The following MROH7 variants were observed in gnomAD, a reference collection of about 807,000 sequenced individuals.
MROH7 encodes maestro heat like repeat family member 7.
A neutral mutation model predicts 129.2 loss-of-function variants in MROH7; 113 were observed. The observed-to-expected ratio is 0.87, with a 90% confidence interval of 0.75 to 1.02. MROH7 has a LOEUF of 1.02. Ranked by LOEUF, MROH7 falls within the 50% of genes least tolerant of loss-of-function variation. MROH7 has a pLI of 0.00. For missense variants in MROH7, 1,601 were observed against 1,671.3 expected (o/e 0.96, Z 0.73); for synonymous variants, 655 against 667.9 (o/e 0.98, Z 0.30).
intron 4 of MROH7, among the ~76,000 whole-genome samples, chr1:54,667,994 G>A (rs1262148101): frequency 6.6e-6 from 1 of 152,204 alleles, no homozygotes; most frequent in Non-Finnish European, 1.5e-5. Context: ...GGGCTTAGCT[G>A]GGTGTTTCTT....
intron 14 of MROH7, among the ~76,000 whole-genome samples, chr1:54,683,049 T>C (rs1420353433): frequency 1.3e-5 from 2 of 152,166 alleles, no homozygotes; most frequent in African/African-American, 4.8e-5. Flanking sequence ...GTCTAAATCC[T>C]GGTTCTGGCC....
At chr1:54,671,024 T>C (rs554314658) in intron 7 of MROH7, 95 bp downstream of exon 7, 639 of 1,387,404 alleles carry the variant, frequency 4.6e-4, no homozygotes, top group Middle Eastern at 1.2e-3. Context: ...TCTGTGGCCT[T>C]GGGCAATTCA....
intron 11 of MROH7, 93 bp from the exon 12 acceptor site, chr1:54,679,170 G>T (rs980035819): frequency 4.7e-6 from 6 of 1,271,830 alleles, no homozygotes; most frequent in Non-Finnish European, 6.9e-6. Context: ...GCATGTGGGC[G>T]TCAGGCAGTG....
rs1227694093 is a variant in MROH7, at chr1:54,703,465, C to G, written c.3564+720C>G. Among the ~76,000 whole-genome samples the G allele has an allele frequency of 3.3e-5, 5 of 152,308 alleles. No homozygotes were observed. The East Asian group carries it at 9.6e-4, about 29-fold the overall frequency. On this transcript the variant is annotated intron_variant, in intron 21 of 23. Coordinates refer to ENST00000421030, the MANE Select transcript of MROH7 (RefSeq NM_001039464.4). This position sits in a 1 kb window ranked among gnomAD's most constrained non-coding sequence, Gnocchi z 4.4. ...GGAAATACTGCACTGACATTCTCCT[C>G]TTGGAGATTTGCAATGACATCAGGA...
chr1:54,687,660 G>T (rs1645170005), intron 15 of MROH7, among the ~76,000 whole-genome samples: 1 of 152,124 alleles, frequency 6.6e-6, no homozygotes, highest in South Asian at 2.1e-4. Context: ...AAAATGGAGT[G>T]ACTCCTAAAA....
At position 54,653,776 on chromosome 1, in the gene MROH7, T is replaced by C. The variant is rs1389149027; in HGVS notation, c.850T>C (p.Ser284Pro). 6.2e-7 allele frequency: 1 copy of C among 1,614,132 alleles called. No individual in the cohort carries two copies. Among genetic ancestry groups the C allele is most frequent in the South Asian group, 1.1e-5 (1 of 91,074 alleles). ...CATGAATGTGGCTTCCAGCGGCCAC[T>C]CCAGATCTGATTTGAGCGTGACCAT... ...ETMNVASSGH[S>P]RSDLSVTITQ... The change falls in exon 3 of 24, where the codon TCC becomes CCC. Residue 284 changes from serine to proline, a missense_variant. Ser to Pro is a moderately conservative substitution (Grantham distance 74). Coordinates refer to ENST00000421030, the MANE Select transcript of MROH7 (RefSeq NM_001039464.4).
chr1:54,679,551 C>A, intron 12 of MROH7, 112 bp downstream of exon 12: 2 of 1,197,762 alleles, frequency 1.7e-6, no homozygotes, highest in Non-Finnish European at 2.3e-6. Context: ...TATACCTGAA[C>A]CCCCTAAGCC....
chr1:54,665,116 C>T, intron 3 of MROH7, 51 bp from the exon 4 acceptor site: 1 of 1,432,840 alleles, frequency 7.0e-7, no homozygotes, highest in South Asian at 1.2e-5. Flanking sequence ...TGATGGCATC[C>T]TAGGTACATC....
At position 54,710,031 on chromosome 1, in the gene MROH7, G is replaced by A. The variant is rs762197518; in HGVS notation, c.3816G>A (p.Trp1272Ter). The change falls in exon 24 of 24, where the codon TGG becomes TGA. Residue 1272 changes from tryptophan to a stop codon, truncating the protein, a stop_gained. Transcript: ENST00000421030. LOFTEE classifies it high-confidence loss of function. The stretch of plus-strand genomic sequence containing the variant: ...AGGACCACATCCTGGCCAGCTGCTG[G>A]CAGAACTCCTGGCTGCCGCACGGGA... Reference protein sequence around the residue: ...QVQDHILASCWQNSWLPHGNS... With the variant: ...QVQDHILASC The A allele has an allele frequency of 2.5e-6, 4 of 1,614,102 alleles. No homozygotes were observed. The highest frequency in any genetic ancestry group is 3.4e-6 in the Non-Finnish European group (4 of 1,180,028).
In MROH7 at chr1:54,702,467, G is replaced by A. The variant is rs966535777; in HGVS notation, c.3442-156G>A. On this transcript the variant is annotated intron_variant, in intron 20 of 23. Coordinates refer to ENST00000421030, the MANE Select transcript of MROH7 (RefSeq NM_001039464.4). ...AAAAAGAAAAAGGTCCTAAATCATG[G>A]GCAAAATAAAAATAAAATAATAGTA... is the stretch of plus-strand genomic sequence containing the variant. 3.3e-5 allele frequency among the ~76,000 whole-genome samples: 5 copies of A among 152,162 alleles called. No individual in the cohort carries two copies. The East Asian group carries it at 7.7e-4, about 23-fold the overall frequency.
chr1:54,657,401 C>T (rs1644666343), intron 3 of MROH7, among the ~76,000 whole-genome samples: 1 of 151,952 alleles, frequency 6.6e-6, no homozygotes, highest in South Asian at 2.1e-4. Context: ...TTTTTAGGGT[C>T]AGGGTCTCAC....
In MROH7 at chr1:54,653,642, C is replaced by T. The variant is rs746636147; in HGVS notation, c.716C>T (p.Thr239Ile). ...AATGTAGCTCCAGATTCTCATGGGACCCTAATCCCAGACACAAATGAGACC... is the reference window on the plus strand; with the variant it reads ...AATGTAGCTCCAGATTCTCATGGGATCCTAATCCCAGACACAAATGAGACC... ...NLNVAPDSHG[T>I]LIPDTNETIT... The change falls in exon 3 of 24, where the codon ACC becomes ATC. Residue 239 changes from threonine to isoleucine, a missense_variant. Transcript: ENST00000421030. 3 of 1,614,168 alleles carry T rather than the reference C, an allele frequency of 1.9e-6. No individual in the cohort carries two copies. Among genetic ancestry groups the T allele is most frequent in the South Asian group, 1.1e-5 (1 of 91,074 alleles).
chr1:54,675,685 T>C (rs1644969465), intron 10 of MROH7, among the ~76,000 whole-genome samples: 1 of 151,288 alleles, frequency 6.6e-6, no homozygotes, highest in African/African-American at 2.4e-5. Context: ...GCAGCCTCAA[T>C]CTTTCAGGCT....
chr1:54,651,431 CA>C (rs1289349282), intron 1 of MROH7: 6 of 152,468 alleles, frequency 3.9e-5, no homozygotes, highest in African/African-American at 1.4e-4. Context: ...GGTGAAGCAG[CA>C]GTCATTAGCT....
rs60505412 is a variant in MROH7 at position 54,650,726 on chromosome 1, A to ATT, written c.-109-1209_-109-1208dup. ...CCTATGCATGTTGATCGCCATCCCGATTTTTTTTTTTTTTTGAGACAGGGT... is the reference window on the plus strand; with the variant it reads ...CCTATGCATGTTGATCGCCATCCCGATTTTTTTTTTTTTTTTTGAGACAGGGT... On this transcript the variant is annotated intron_variant, in intron 1 of 23. Transcript: ENST00000421030. Among the ~76,000 whole-genome samples the ATT allele has an allele frequency of 2.2e-3, 308 of 137,488 alleles. 2 individuals carry two copies. Among genetic ancestry groups the ATT allele is most frequent in the African/African-American group, 7.3e-3 (276 of 37,766 alleles). 90.2% of individuals were successfully genotyped at this position (137,488 alleles called of 152,430 possible). A position where few individuals can be genotyped will look rare whatever the true frequency, so the allele number is the denominator to read the frequency against.
chr1:54,701,748 T>C (rs1645439703), intron 19 of MROH7, among the ~76,000 whole-genome samples: 1 of 152,080 alleles, frequency 6.6e-6, no homozygotes, highest in African/African-American at 2.4e-5. Context: ...TTGCATTTTT[T>C]GTAGAGATGG....
At chr1:54,702,526 T>A in intron 20 of MROH7, 97 bp from the exon 21 acceptor site, 1 of 1,224,326 alleles carries the variant, frequency 8.2e-7, no homozygotes, top group Non-Finnish European at 1.1e-6. Context: ...GCTTCACTTG[T>A]ACAATTTCAA....
Position 54,664,920 on chromosome 1 carries a change from G to A in MROH7, c.1232-247G>A, listed in dbSNP as rs182963932. Among the ~76,000 whole-genome samples, 1,010 of 152,306 alleles carry A rather than the reference G, an allele frequency of 6.6e-3. 6 individuals carry two copies. Among genetic ancestry groups the A allele is most frequent in the Non-Finnish European group, 0.011 (746 of 68,028 alleles). ...CCAGCTACTTGGGAGGCTGAGGCAA[G>A]AGAATCACTTGAACCCGGAAGTTGA... is the stretch of plus-strand genomic sequence containing the variant. On this transcript the variant is annotated intron_variant, in intron 3 of 23. Coordinates refer to ENST00000421030, the MANE Select transcript of MROH7 (RefSeq NM_001039464.4).
At chr1:54,660,477 A>G (rs954517114) in intron 3 of MROH7, among the ~76,000 whole-genome samples, 10 of 152,222 alleles carry the variant, frequency 6.6e-5, no homozygotes, top group African/African-American at 1.4e-4. Context: ...GTGAGTTTCA[A>G]TTGTTCCACA....
Sources: gnomAD v4.1 joint callset for allele counts (sites outside exome capture counted in the v4.1 genomes callset) on GRCh38, gnomAD v4.1.1 for gene constraint, Gnocchi (gnomAD v3.1) non-coding constraint, MANE v1.5 for transcripts, NCBI Gene and HGNC (gene_info 2026-07-23, HGNC 2026-07-21) for gene names.